Variants in CD99L2 observed in about 807,000 individuals in gnomAD.
CD99L2 encodes CD99 molecule like 2, also known as CD99 antigen-like protein 2.
In CD99L2, 24 loss-of-function variants were observed where a neutral mutation model predicts 27.3. That is an observed-to-expected ratio of 0.88 (90% CI 0.64 to 1.24). The LOEUF is 1.24. Among genes scored for constraint, CD99L2 ranks in the 50% most tolerant of loss-of-function variants. The pLI, the probability that CD99L2 is intolerant of heterozygous loss-of-function variation, is 0.00. For synonymous variants in CD99L2, 97 were observed against 87.9 expected (o/e 1.10, Z -0.58); for missense variants, 255 against 221.6 (o/e 1.15, Z -0.96).
intron 1 of CD99L2, among the ~76,000 whole-genome samples, chrX:150,886,200 G>A (rs2047406796): frequency 8.9e-6 from 1 of 112,307 alleles, no homozygotes; most frequent in Non-Finnish European, 1.9e-5. Flanking sequence ...AAACTTTAGT[G>A]ACTCGTGAAC....
At chrX:150,770,453 T>C in intron 9 of CD99L2, 84 bp from the exon 10 acceptor site, 1 of 903,750 alleles carries the variant, frequency 1.1e-6, no homozygotes, top group Non-Finnish European at 1.6e-6. Flanking sequence ...GACCAAGTCC[T>C]CTGCAGCTAA....
chrX:150,882,523 G>A (rs895182356), intron 1 of CD99L2, among the ~76,000 whole-genome samples: 4 of 110,107 alleles, frequency 3.6e-5, no homozygotes, highest in South Asian at 3.9e-4. Flanking sequence ...TCAGGAGTTC[G>A]AGACCAGCCT....
chrX:150,838,818 G>T (rs1430549974), intron 1 of CD99L2, among the ~76,000 whole-genome samples: 1 of 100,117 alleles, frequency 1.0e-5, no homozygotes, highest in Non-Finnish European at 2.0e-5. Flanking sequence ...GCCTTCCAAA[G>T]TGTTGGGACT....
At chrX:150,770,448 A>G in intron 9 of CD99L2, 79 bp from the exon 10 acceptor site, 1 of 919,324 alleles carries the variant, frequency 1.1e-6, no homozygotes, top group Non-Finnish European at 1.6e-6. Flanking sequence ...CTCCTGACCA[A>G]GTCCTCTGCA....
At chrX:150,829,729 C>T (rs1253519578) in intron 2 of CD99L2, 4 of 209,376 alleles carry the variant, frequency 1.9e-5, no homozygotes, top group Non-Finnish European at 3.5e-5. Context: ...TGTAGATGCA[C>T]CTAACAGCAT....
chrX:150,870,449 A>G (rs1171748380), intron 1 of CD99L2, among the ~76,000 whole-genome samples: 1 of 112,253 alleles, frequency 8.9e-6, no homozygotes, highest in Non-Finnish European at 1.9e-5. Context: ...TGAGCCGGGC[A>G]TTGTGGCATG....
At chrX:150,871,478 C>T (rs887643904) in intron 1 of CD99L2, among the ~76,000 whole-genome samples, 3 of 111,728 alleles carry the variant, frequency 2.7e-5, no homozygotes, top group Non-Finnish European at 5.6e-5. Context: ...CTGGAGGAGC[C>T]GAACACCAGC....
intron 4 of CD99L2, among the ~76,000 whole-genome samples, chrX:150,798,271 TGGGAGAACAAAGGGA>T: frequency 1.1e-4 from 1 of 9,193 alleles, no homozygotes; most frequent in East Asian, 5.8e-3. Flanking sequence ...GGAGGGAGGG[TGGGAGAACAAAGGGA>T]GGGAAGAAGG....
chrX:150,871,612 T>A (rs953066803), intron 1 of CD99L2, among the ~76,000 whole-genome samples: 1 of 112,026 alleles, frequency 8.9e-6, no homozygotes, highest in Admixed American at 9.5e-5. Context: ...TCACACCCCA[T>A]GAGTCAGCAA....
intron 1 of CD99L2, among the ~76,000 whole-genome samples, chrX:150,866,475 G>A (rs903252997): frequency 9.0e-6 from 1 of 111,607 alleles, no homozygotes; most frequent in African/African-American, 3.3e-5. Context: ...GCTCATGCCT[G>A]TAATCTCAAT....
chrX:150,854,970 A>C (rs2018734940), intron 1 of CD99L2, among the ~76,000 whole-genome samples: 1 of 110,705 alleles, frequency 9.0e-6, no homozygotes, highest in African/African-American at 3.3e-5. Flanking sequence ...ATGGAAACAG[A>C]CAGATGGCCT....
chrX:150,831,437 G>A (rs2046443076), intron 1 of CD99L2, 144 bp from the exon 2 acceptor site: 2 of 469,255 alleles, frequency 4.3e-6, no homozygotes, highest in Non-Finnish European at 7.0e-6. Flanking sequence ...AGTGAGTGGT[G>A]GTAGCTATAC....
rs2047641582 is a variant in CD99L2 at position 150,898,054 on chromosome X, A to AACCCC, written c.67+467_67+468insGGGGT. Among the ~76,000 whole-genome samples the AACCCC allele has an allele frequency of 1.7e-4, 5 of 29,967 alleles. No homozygotes were observed. The Admixed American group carries it at 1.9e-3, about 11-fold the overall frequency. The allele number at this position is 29,967 out of a possible 115,157, so 26.0% of individuals were successfully genotyped here. A position where few individuals can be genotyped will look rare whatever the true frequency, so the allele number is the denominator to read the frequency against. ...AGCTGGTTAGACCTACGCCTCGCTG[A>AACCCC]CCCCCCCCCCCCCCCCCCACAGCCC... On this transcript the variant is annotated intron_variant, in intron 1 of 10. Transcript: ENST00000370377.
chrX:150,770,666 TC>T (rs1411554042), intron 9 of CD99L2, among the ~76,000 whole-genome samples: 3 of 112,996 alleles, frequency 2.7e-5, no homozygotes, highest in African/African-American at 9.6e-5. Flanking sequence ...AGACGGCAGC[TC>T]CGCCCAGTGG....
At chrX:150,857,619 C>T (rs912321898) in intron 1 of CD99L2, among the ~76,000 whole-genome samples, 10 of 111,680 alleles carry the variant, frequency 9.0e-5, no homozygotes, top group African/African-American at 2.6e-4. Flanking sequence ...GAGTCCTAAA[C>T]CTGAAAGTGA....
At position 150,893,877 on chromosome X, in the gene CD99L2, A is replaced by G. The variant is rs781985059; in HGVS notation, c.67+4645T>C. 2.6e-4 allele frequency among the ~76,000 whole-genome samples: 28 copies of G among 109,545 alleles called. No homozygotes were observed. In the East Asian group the frequency reaches 7.0e-3, roughly 27 times the overall value. On this transcript the variant is annotated intron_variant, in intron 1 of 10. Coordinates refer to ENST00000370377, the MANE Select transcript of CD99L2 (RefSeq NM_031462.4). ...ACTACAAGCGTGTACCACCATGCCC[A>G]GCTAATTTTTGTATTTTTAGTAGAG...
intron 1 of CD99L2, among the ~76,000 whole-genome samples, chrX:150,838,868 T>A (rs1557421292): frequency 2.8e-5 from 2 of 72,078 alleles, no homozygotes; most frequent in African/African-American, 1.1e-4. Flanking sequence ...AACATGAACT[T>A]TAACATAGGA....
chrX:150,793,892 T>TC (rs1233183147), intron 6 of CD99L2, 136 bp from the exon 7 acceptor site: 6 of 463,831 alleles, frequency 1.3e-5, no homozygotes, highest in Non-Finnish European at 1.4e-5. Flanking sequence ...TTCTAAGAGG[T>TC]CCCCCCAGAC....
intron 1 of CD99L2, among the ~76,000 whole-genome samples, chrX:150,844,147 A>T (rs1325167810): frequency 8.9e-6 from 1 of 112,151 alleles, no homozygotes; most frequent in Admixed American, 9.4e-5. Context: ...TTCAACTTGA[A>T]ATGAGCCATT....
Sources: allele counts gnomAD v4.1 joint callset (sites outside exome capture counted in the v4.1 genomes callset), GRCh38; gene constraint gnomAD v4.1.1; transcripts MANE v1.5; gene names NCBI Gene and HGNC (gene_info 2026-07-23, HGNC 2026-07-21).